The following CSMD1 variants were observed in gnomAD, a reference collection of about 807,000 sequenced individuals.
The protein encoded by CSMD1 is CUB and Sushi multiple domains 1.
A neutral mutation model predicts 417.5 loss-of-function variants in CSMD1; 213 were observed. The ratio of observed to expected loss-of-function variants is 0.51; its 90% CI spans 0.46 to 0.57. The LOEUF (loss-of-function observed/expected upper bound fraction) is 0.57. Ranked by LOEUF, CSMD1 falls within the 20% of genes least tolerant of loss-of-function variation. The pLI is 0.00. For synonymous variants in CSMD1, 2,862 were observed against 1,736.8 expected, an observed-to-expected ratio of 1.65 and a Z score of -16.11; for missense variants, 6,923 against 4,529.7, an observed-to-expected ratio of 1.53 and a Z score of -15.17.
At position 3,896,053 on chromosome 8, in the gene CSMD1, G is replaced by A. The variant is rs74571820; in HGVS notation, c.818+101850C>T. Among the ~76,000 whole-genome samples, 1,479 of 152,288 alleles carry A rather than the reference G, an allele frequency of 9.7e-3. 11 individuals are homozygous for A. Among genetic ancestry groups the A allele is most frequent in the Middle Eastern group, 0.024 (7 of 294 alleles). On this transcript the variant is annotated intron_variant, in intron 5 of 69. Coordinates refer to ENST00000635120, the MANE Select transcript of CSMD1 (RefSeq NM_033225.6). Reference sequence around the variant, plus strand: ...AAGGAAGAAATGACTGCGGAGCGCTGGACTCATGTAGCTGCTGATTTCCAT... The same window carrying A: ...AAGGAAGAAATGACTGCGGAGCGCTAGACTCATGTAGCTGCTGATTTCCAT...
At chr8:4,008,006 A>G (rs902082058) in intron 4 of CSMD1, among the ~76,000 whole-genome samples, 5 of 152,350 alleles carry the variant, frequency 3.3e-5, no homozygotes, top group Admixed American at 2.0e-4. Context: ...GTAGCAATCC[A>G]TAAGAGGTTT....
intron 8 of CSMD1, among the ~76,000 whole-genome samples, chr8:3,607,186 G>A (rs182170319): frequency 3.9e-5 from 6 of 151,962 alleles, no homozygotes; most frequent in African/African-American, 7.2e-5. Context: ...ATGAACAAGC[G>A]CACTAGCCTA....
At chr8:4,918,900 G>C (rs890138979) in intron 1 of CSMD1, among the ~76,000 whole-genome samples, 68 of 152,156 alleles carry the variant, frequency 4.5e-4, no homozygotes, top group African/African-American at 1.5e-3. Flanking sequence ...AAATAAGTGA[G>C]TTTTAAAAAA....
At chr8:4,682,339 G>T (rs909510351) in intron 1 of CSMD1, among the ~76,000 whole-genome samples, 5 of 152,042 alleles carry the variant, frequency 3.3e-5, no homozygotes, top group Non-Finnish European at 7.4e-5. Flanking sequence ...ACTGAAAAAT[G>T]CTTTTTTTGA....
intron 25 of CSMD1, among the ~76,000 whole-genome samples, chr8:3,296,603 A>C: frequency 6.6e-6 from 1 of 152,164 alleles, no homozygotes; most frequent in African/African-American, 2.4e-5. Context: ...CAACGTTTTG[A>C]GTAATCCAAG....
At chr8:4,989,714 T>A (rs1811363875) in intron 1 of CSMD1, among the ~76,000 whole-genome samples, 1 of 152,202 alleles carries the variant, frequency 6.6e-6, no homozygotes, top group Non-Finnish European at 1.5e-5. Flanking sequence ...AGAGGCAGAT[T>A]TAAAATTCAG....
Position 3,387,648 on chromosome 8 carries a change from C to G in CSMD1, c.2628G>C (p.Pro876=), listed in dbSNP as rs751635214. The G allele has an allele frequency of 6.3e-7, 1 of 1,599,988 alleles. No individual in the cohort carries two copies. The highest frequency in any genetic ancestry group is 8.5e-7 in the Non-Finnish European group (1 of 1,173,082). ...VTLESDSCLD[P]GIPVNGHRHG... ...GGCGATGGCCGTTCACAGGGATGCC[C>G]GGGTCCAGGCAGGAATCCGACTCAA... The change falls in exon 18 of 70, where the codon CCG becomes CCC. Residue 876 remains proline, a synonymous_variant. Coordinates refer to ENST00000635120, the MANE Select transcript of CSMD1 (RefSeq NM_033225.6).
intron 5 of CSMD1, among the ~76,000 whole-genome samples, chr8:3,756,186 T>C (rs987820799): frequency 2.6e-5 from 4 of 151,818 alleles, no homozygotes; most frequent in African/African-American, 9.7e-5. Context: ...ACCCTGCCTC[T>C]ACTAAAAATA....
chr8:4,847,855 C>T lies in CSMD1; in HGVS notation c.85+146477G>A, dbSNP rs552831121. Among the ~76,000 whole-genome samples the T allele has an allele frequency of 4.1e-5, 6 of 147,580 alleles. No homozygotes were observed. The South Asian group carries it at 1.3e-3, about 32-fold the overall frequency. On this transcript the variant is annotated intron_variant, in intron 1 of 69. Transcript: ENST00000635120. ...ATTTAAAGTATAAATTTCAGTGTTTCATTATATTCCCAGATATATGCAACC... is the reference window on the plus strand; with the variant it reads ...ATTTAAAGTATAAATTTCAGTGTTTTATTATATTCCCAGATATATGCAACC...
chr8:4,712,780 G>A (rs746357794), intron 1 of CSMD1, among the ~76,000 whole-genome samples: 1 of 152,044 alleles, frequency 6.6e-6, no homozygotes, highest in Non-Finnish European at 1.5e-5. Flanking sequence ...TGGGACCACT[G>A]CCTGTTGGTT....
chr8:3,579,889 A>C (rs1043586796), intron 9 of CSMD1, among the ~76,000 whole-genome samples: 2 of 152,132 alleles, frequency 1.3e-5, no homozygotes, highest in African/African-American at 4.8e-5. Context: ...GGATTACCTG[A>C]GGTCAGGAGT....
At chr8:4,753,409 A>C (rs397694934) in intron 1 of CSMD1, among the ~76,000 whole-genome samples, 104 of 14,190 alleles carry the variant, frequency 7.3e-3, no homozygotes, top group African/African-American at 0.016. Flanking sequence ...TAAACCACAC[A>C]CACACACACA....
intron 26 of CSMD1, among the ~76,000 whole-genome samples, chr8:3,252,349 T>C (rs1563188342): frequency 6.6e-6 from 1 of 152,256 alleles, no homozygotes; most frequent in Non-Finnish European, 1.5e-5. Context: ...GTTCTGTTTA[T>C]ATGCTGGATT....
chr8:4,267,671 G>C (rs1198268564), intron 3 of CSMD1, among the ~76,000 whole-genome samples: 2 of 151,930 alleles, frequency 1.3e-5, no homozygotes, highest in Admixed American at 6.6e-5. Context: ...TTTAGGCTTT[G>C]GCTTCACTCC....
At chr8:3,260,347 C>T (rs1001402148) in intron 26 of CSMD1, among the ~76,000 whole-genome samples, 1 of 152,114 alleles carries the variant, frequency 6.6e-6, no homozygotes, top group Non-Finnish European at 1.5e-5. Context: ...GAACCAGCAG[C>T]TGGAGTTTTG....
At chr8:3,203,947 A>G (rs1797118362) in intron 31 of CSMD1, among the ~76,000 whole-genome samples, 2 of 152,188 alleles carry the variant, frequency 1.3e-5, no homozygotes, top group Non-Finnish European at 2.9e-5. Flanking sequence ...ACCCCTCACC[A>G]TAAGCCTGCC....
chr8:4,060,115 C>A (rs1563069368), intron 3 of CSMD1, among the ~76,000 whole-genome samples: 1 of 152,264 alleles, frequency 6.6e-6, no homozygotes, highest in East Asian at 1.9e-4. Flanking sequence ...GGGCTTCATC[C>A]CTGGGATGCA....
intron 3 of CSMD1, among the ~76,000 whole-genome samples, chr8:4,129,254 G>A (rs887859237): frequency 2.6e-5 from 4 of 151,982 alleles, no homozygotes; most frequent in Non-Finnish European, 4.4e-5. Flanking sequence ...GATGTCTCCT[G>A]GGGAGCCTTC....
At chr8:4,927,406 C>T (rs1806942471) in intron 1 of CSMD1, among the ~76,000 whole-genome samples, 4 of 151,946 alleles carry the variant, frequency 2.6e-5, no homozygotes, top group Admixed American at 2.6e-4. Context: ...CCAAACTGCC[C>T]CAGCAACTGT....
Sources: allele counts gnomAD v4.1 joint callset (sites outside exome capture counted in the v4.1 genomes callset), GRCh38; gene constraint gnomAD v4.1.1; transcripts MANE v1.5; gene names NCBI Gene and HGNC (gene_info 2026-07-23, HGNC 2026-07-21).